PTPRN2: variants seen among roughly 807,000 people sequenced by gnomAD.
PTPRN2 encodes protein tyrosine phosphatase receptor type N2.
PTPRN2 carries 74 observed loss-of-function variants against 118.8 expected under a neutral mutation model. The observed-to-expected ratio is 0.62, with a 90% CI of 0.52 to 0.76. The LOEUF is 0.76. Among genes scored for constraint, PTPRN2 ranks in the 30% least tolerant of loss-of-function variants. The pLI is 0.00. For missense variants in PTPRN2, 1,481 were observed against 1,394.4 expected, an observed-to-expected ratio of 1.06 and a Z score of -0.99; for synonymous variants, 641 against 608.0, an observed-to-expected ratio of 1.05 and a Z score of -0.80.
intron 12 of PTPRN2, among the ~76,000 whole-genome samples, chr7:157,795,041 C>T (rs141387024): frequency 1.9e-4 from 29 of 152,086 alleles, no homozygotes; most frequent in Non-Finnish European, 3.4e-4. Context: ...ACCTGGGAGG[C>T]ACCTGGGGAT....
At chr7:157,681,217 C>T (rs1796900879) in intron 13 of PTPRN2, among the ~76,000 whole-genome samples, 1 of 152,124 alleles carries the variant, frequency 6.6e-6, no homozygotes, top group African/African-American at 2.4e-5. Context: ...AAAATCTCTG[C>T]CTGTATGATC....
At chr7:158,508,214 T>C (rs1402446446) in intron 1 of PTPRN2, among the ~76,000 whole-genome samples, 1 of 152,108 alleles carries the variant, frequency 6.6e-6, no homozygotes, top group Non-Finnish European at 1.5e-5. Flanking sequence ...GTGAGGACCG[T>C]CCAGGGGACA....
chr7:158,067,442 G>A (rs956637274), intron 11 of PTPRN2, among the ~76,000 whole-genome samples: 4 of 152,166 alleles, frequency 2.6e-5, no homozygotes, highest in African/African-American at 9.7e-5. Context: ...GGTCCCTGGG[G>A]GCTGCTCCCA....
rs887358017 is a variant in PTPRN2, at chr7:157,690,517, C to G, written c.1789-7580G>C. ...TTCCAGGGCCCACCCAACCGCACTA[C>G]GAGCGCCCGCGCCCCGCCCGGCACC... On this transcript the variant is annotated intron_variant, in intron 12 of 22. Transcript: ENST00000389418. The surrounding 1 kb of genome is among the most constrained non-coding windows in gnomAD (Gnocchi z 7.1). 1.3e-5 allele frequency among the ~76,000 whole-genome samples: 2 copies of G among 152,060 alleles called. No homozygotes were observed. Among genetic ancestry groups the G allele is most frequent in the Non-Finnish European group, 2.9e-5 (2 of 67,978 alleles).
chr7:157,562,190 C>T (rs574235868), intron 21 of PTPRN2, among the ~76,000 whole-genome samples: 171 of 152,328 alleles, frequency 1.1e-3, no homozygotes, highest in African/African-American at 4.0e-3. Flanking sequence ...GCTCTGGGGA[C>T]AGCTCCAGGG....
At chr7:157,571,202 TAAAAA>T (rs56184271) in intron 20 of PTPRN2, among the ~76,000 whole-genome samples, 1 of 129,556 alleles carries the variant, frequency 7.7e-6, no homozygotes, top group South Asian at 2.4e-4. Flanking sequence ...GCAACAGAGT[TAAAAA>T]AAAAAAAAAA....
chr7:157,581,966 C>G (rs984987966), intron 17 of PTPRN2, among the ~76,000 whole-genome samples: 1 of 152,228 alleles, frequency 6.6e-6, no homozygotes, highest in Non-Finnish European at 1.5e-5. Context: ...TCATGGCAGG[C>G]GGCCACGGGA....
rs142369840 is a variant in PTPRN2 at position 157,674,842 on chromosome 7, G to T, written c.2001+7883C>A. Reference sequence around the variant, plus strand: ...CCTCCCACGCCGAGCTCCTCCTGCCGGGGGGGTCTGCACAGTTCTGGGTGG... The same window carrying T: ...CCTCCCACGCCGAGCTCCTCCTGCCTGGGGGGTCTGCACAGTTCTGGGTGG... On this transcript the variant is annotated intron_variant, in intron 13 of 22. Transcript: ENST00000389418. This position sits in a 1 kb window ranked among gnomAD's most constrained non-coding sequence, Gnocchi z 4.5. 6.6e-6 allele frequency among the ~76,000 whole-genome samples: 1 copy of T among 152,102 alleles called. No individual in the cohort carries two copies. The highest frequency in any genetic ancestry group is 1.5e-5 in the Non-Finnish European group (1 of 68,014).
intron 9 of PTPRN2, among the ~76,000 whole-genome samples, chr7:158,122,744 T>G (rs1452328943): frequency 6.6e-6 from 1 of 152,036 alleles, no homozygotes; most frequent in Non-Finnish European, 1.5e-5. Context: ...ACTAGGAAAC[T>G]CCCAGGAGAA....
rs1323094662 is a variant in PTPRN2 at position 157,964,664 on chromosome 7, G to A, written c.1724-65927C>T. Among the ~76,000 whole-genome samples the A allele has an allele frequency of 6.6e-6, 1 of 152,198 alleles. No individual in the cohort carries two copies. The highest frequency in any genetic ancestry group is 2.4e-5 in the African/African-American group (1 of 41,448). On this transcript the variant is annotated intron_variant, in intron 11 of 22. Coordinates refer to ENST00000389418, the MANE Select transcript of PTPRN2 (RefSeq NM_002847.5). This position sits in a 1 kb window ranked among gnomAD's most constrained non-coding sequence, Gnocchi z 9.0. Reference sequence around the variant, plus strand: ...ATGGCCTTACTTGGCGTGTGGAGCTGTGACCACCAGGGCCAACCTGAGGCA... The same window carrying A: ...ATGGCCTTACTTGGCGTGTGGAGCTATGACCACCAGGGCCAACCTGAGGCA...
chr7:158,280,578 G>A (rs1265642456), intron 3 of PTPRN2, among the ~76,000 whole-genome samples: 1 of 152,210 alleles, frequency 6.6e-6, no homozygotes, highest in African/African-American at 2.4e-5. Context: ...CGGGTGGAGA[G>A]GGCAGATGGA....
intron 2 of PTPRN2, among the ~76,000 whole-genome samples, chr7:158,405,239 G>C (rs1318572984): frequency 1.3e-5 from 2 of 152,140 alleles, no homozygotes; most frequent in African/African-American, 4.8e-5. Flanking sequence ...GAATTCCTGG[G>C]TGTCACATCC....
intron 11 of PTPRN2, among the ~76,000 whole-genome samples, chr7:158,070,987 TGG>T (rs1811363404): frequency 1.8e-5 from 2 of 111,180 alleles, no homozygotes; most frequent in East Asian, 2.5e-4. Flanking sequence ...GTGCCCGTGG[TGG>T]TGGAGGTGCT....
intron 3 of PTPRN2, among the ~76,000 whole-genome samples, chr7:158,278,921 T>C (rs993869457): frequency 6.6e-6 from 1 of 152,012 alleles, no homozygotes; most frequent in African/African-American, 2.4e-5. Context: ...AAAGGTAGCA[T>C]ATCCGGAGTT....
rs1297441244 is a variant in PTPRN2 at position 158,489,780 on chromosome 7, G to T, written c.118C>A (p.Leu40Met). 3 of 1,576,826 alleles carry T rather than the reference G, an allele frequency of 1.9e-6. No individual in the cohort carries two copies. The African/African-American group carries it at 4.0e-5, about 21-fold the overall frequency. ...GCTCCGCAGAGGCCCTCCTCGAGCA[G>T]GCAGCCTGCGGGGAAACAGAGAAGA... ...GRQLPGRLGCLLEEGLCGASE... is the reference protein window; with the variant it reads ...GRQLPGRLGCMLEEGLCGASE... Residue 40 changes from leucine (L) to methionine (M), a missense_variant, in exon 2 of 23, where the codon CTG becomes ATG. This residue lies in a region of PTPRN2 where 1,115 missense variants were observed against 994.2 expected (regional missense o/e 1.12). Transcript: ENST00000389418.
chr7:158,196,897 C>A (rs186262871), intron 4 of PTPRN2, among the ~76,000 whole-genome samples: 6 of 152,086 alleles, frequency 3.9e-5, no homozygotes, highest in Non-Finnish European at 5.9e-5. Flanking sequence ...CTTAGAAATA[C>A]GACACTGAAG....
At position 157,763,212 on chromosome 7, in the gene PTPRN2, G is replaced by A. The variant is rs958186955; in HGVS notation, c.1789-80275C>T. On this transcript the variant is annotated intron_variant, in intron 12 of 22. Coordinates refer to ENST00000389418, the MANE Select transcript of PTPRN2 (RefSeq NM_002847.5). The surrounding 1 kb of genome is among the most constrained non-coding windows in gnomAD (Gnocchi z 4.9). ...ATCCCAGGCCACAGTGGGAAGGAGA[G>A]GGAGATGCCCTGAGGTGTCCAGTCC... Among the ~76,000 whole-genome samples, 2 of 152,250 alleles carry A rather than the reference G, an allele frequency of 1.3e-5. No homozygotes were observed. The highest frequency in any genetic ancestry group is 4.8e-5 in the African/African-American group (2 of 41,474).
At chr7:158,158,599 A>G (rs62480257) in intron 6 of PTPRN2, among the ~76,000 whole-genome samples, 1,278 of 29,584 alleles carry the variant, frequency 0.043, 81 homozygotes, top group Non-Finnish European at 0.07. Context: ...TGCTTTCTGA[A>G]TGAATGAGTG....
intron 11 of PTPRN2, among the ~76,000 whole-genome samples, chr7:157,904,882 A>AT (rs546386790): frequency 2.0e-5 from 3 of 151,662 alleles, no homozygotes; most frequent in Admixed American, 1.3e-4. Context: ...GTTGCTTCAG[A>AT]TTTTTTTTTA....
Sources: gnomAD v4.1 joint callset for allele counts (sites outside exome capture counted in the v4.1 genomes callset) on GRCh38, gnomAD v4.1.1 for gene constraint, gnomAD v4.1.1 regional missense constraint, Gnocchi (gnomAD v3.1) non-coding constraint, MANE v1.5 for transcripts, NCBI Gene and HGNC (gene_info 2026-07-23, HGNC 2026-07-21) for gene names.